Variants in PFKL observed in about 807,000 individuals in gnomAD.
PFKL encodes the protein phosphofructokinase, liver type, also known as ATP-dependent 6-phosphofructokinase, liver type.
PFKL carries 74 observed loss-of-function variants against 92.1 expected under a neutral mutation model. The observed-to-expected ratio is 0.80, with a 90% CI of 0.67 to 0.97. PFKL has a LOEUF of 0.97. PFKL is among the 50% of genes least tolerant of loss of function. The probability of loss-of-function intolerance (pLI) is 0.00; values close to 1 mark genes in which losing one functional copy is unlikely to be tolerated. For missense variants in PFKL, 1,028 were observed against 1,116.6 expected (o/e 0.92, Z 1.13); for synonymous variants, 494 against 456.4 (o/e 1.08, Z -1.05).
At chr21:44,326,662 G>A (rs2047522997) in intron 21 of PFKL, 53 bp from the exon 22 acceptor site, 17 of 1,580,392 alleles carry the variant, frequency 1.1e-5, no homozygotes. Flanking sequence ...CGTGGCTGAA[G>A]AGCTGCCCTG....
rs376462190 is a variant in PFKL at position 44,313,256 on chromosome 21, C to T, written c.593+113C>T. 9.8e-6 allele frequency: 12 copies of T among 1,220,160 alleles called. No individual in the cohort carries two copies. In the South Asian group the frequency reaches 1.5e-4, roughly 15 times the overall value. 75.6% of individuals were successfully genotyped at this position (1,220,160 alleles called of 1,614,324 possible). ...GGGCAGTGGACTCTGGTAGCCCCAGCATCCAGGCCAGCCGCCCTCAGCCCC... is the reference window on the plus strand; with the variant it reads ...GGGCAGTGGACTCTGGTAGCCCCAGTATCCAGGCCAGCCGCCCTCAGCCCC... On this transcript the variant is annotated intron_variant, in intron 5 of 21. Coordinates refer to ENST00000349048, the MANE Select transcript of PFKL (RefSeq NM_002626.6).
chr21:44,320,208 C>A, intron 12 of PFKL, 61 bp downstream of exon 12: 2 of 1,466,070 alleles, frequency 1.4e-6, no homozygotes, highest in Non-Finnish European at 1.9e-6. Flanking sequence ...GCAGCCTCTT[C>A]ACGCTGGCCC....
intron 2 of PFKL, among the ~76,000 whole-genome samples, chr21:44,307,819 C>G (rs2040997113): frequency 6.6e-6 from 1 of 152,246 alleles, no homozygotes; most frequent in South Asian, 2.1e-4. Flanking sequence ...TGTGTCCGTA[C>G]AAACCCCTCC....
chr21:44,323,655 G>A, intron 15 of PFKL, 111 bp from the exon 16 acceptor site: 2 of 1,191,916 alleles, frequency 1.7e-6, no homozygotes, highest in South Asian at 1.4e-5. Flanking sequence ...CCAGCACGGG[G>A]CACATGACAG....
chr21:44,306,991 A>G (rs2040966677), intron 2 of PFKL, among the ~76,000 whole-genome samples: 1 of 152,140 alleles, frequency 6.6e-6, no homozygotes, highest in African/African-American at 2.4e-5. Context: ...GCTGCAGAGC[A>G]CGGGCCTGGG....
chr21:44,306,519 C>T (rs574210742), intron 1 of PFKL, among the ~76,000 whole-genome samples, 162 bp from the exon 2 acceptor site: 3 of 151,946 alleles, frequency 2.0e-5, no homozygotes, highest in South Asian at 4.2e-4. Flanking sequence ...GACCCTTGCC[C>T]TCTTGAGATG....
chr21:44,322,915 G>A lies in PFKL; in HGVS notation c.1410-47G>A, dbSNP rs200354903. The A allele has an allele frequency of 8.5e-5, 120 of 1,406,462 alleles. 1 individual carries two copies. The Admixed American group carries it at 1.5e-3, about 17-fold the overall frequency. The allele number at this position is 1,406,462 out of a possible 1,614,324, so 87.1% of individuals were successfully genotyped here. A position where few individuals can be genotyped will look rare whatever the true frequency, so the allele number is the denominator to read the frequency against. ...CTGTGATCAGATGCAATCTGGACAC[G>A]CGTCCCCGGGTGCTGCGTGTTCATG... On this transcript the variant is annotated intron_variant, in intron 14 of 21. Transcript: ENST00000349048.
chr21:44,317,627 C>T (rs2047242832), intron 9 of PFKL, among the ~76,000 whole-genome samples: 1 of 152,218 alleles, frequency 6.6e-6, no homozygotes, highest in South Asian at 2.1e-4. Context: ...TTGATCGCCC[C>T]TAGCCGCGGC....
At position 44,323,807 on chromosome 21, in the gene PFKL, C is replaced by T. The variant is rs777647811; in HGVS notation, c.1539C>T (p.Arg513=). 1 of 1,612,882 alleles carries T rather than the reference C, an allele frequency of 6.2e-7. No homozygotes were observed. ...TGCAGCTGGTGGAGGCTCGCGGGCG[C>T]TACGAGGAGCTCTGCATCGTCATGT... The part of the protein sequence containing the change: ...GVLQLVEARG[R]YEELCIVMCV... The change falls in exon 16 of 22, where the codon CGC becomes CGT. Residue 513 remains arginine, a synonymous_variant. Transcript: ENST00000349048.
rs553428594 is a variant in PFKL at position 44,308,715 on chromosome 21, C to A, written c.159+1961C>A. ...TAGCTGGGATTACAGGCACCCACCA[C>A]CACGCCCAGCTGTTTTTTGTATTTT... On this transcript the variant is annotated intron_variant, in intron 2 of 21. Transcript: ENST00000349048. 3.9e-5 allele frequency among the ~76,000 whole-genome samples: 6 copies of A among 152,234 alleles called. No homozygotes were observed. In the East Asian group the frequency reaches 1.2e-3, roughly 29 times the overall value.
chr21:44,313,607 ACTGATGCATCCTC>A lies in PFKL; in HGVS notation c.594-27_594-15del, dbSNP rs2047117988. ...GGGCTGGCAGGGCCGTGTGGCTGGC[ACTGATGCATCCTC>A]CTGTTCCATCTCCACAGCCACCAGA... On this transcript the variant is annotated intron_variant, in intron 5 of 21. Coordinates refer to ENST00000349048, the MANE Select transcript of PFKL (RefSeq NM_002626.6). 3 of 1,603,526 alleles carry A rather than the reference ACTGATGCATCCTC, an allele frequency of 1.9e-6. No homozygotes were observed.
Position 44,314,016 on chromosome 21 carries a change from G to A in PFKL, c.742G>A (p.Gly248Ser). Residue 248 changes from glycine to serine, a missense_variant, in exon 7 of 22, where the codon GGT becomes AGT. Physicochemically the swap from Gly to Ser is moderately conservative, Grantham distance 56. Transcript: ENST00000349048. The stretch of plus-strand genomic sequence containing the variant: ...GGAGAACTTCATGTGTGAGAGGCTG[G>A]GTGAGGTGGGTGCCGTCCAGCCTGC... ...GWENFMCERLGETRSRGSRLN... is the reference protein window; with the variant it reads ...GWENFMCERLSETRSRGSRLN... 2.5e-6 allele frequency: 4 copies of A among 1,600,044 alleles called. No individual in the cohort carries two copies. Among genetic ancestry groups the A allele is most frequent in the East Asian group, 2.3e-5 (1 of 44,406 alleles).
At chr21:44,300,354 C>T (rs979037343) in intron 1 of PFKL, among the ~76,000 whole-genome samples, 164 bp downstream of exon 1, 3 of 151,832 alleles carry the variant, frequency 2.0e-5, no homozygotes, top group African/African-American at 7.2e-5. Context: ...GTCCCCCGCT[C>T]TTCCCCGGCG....
chr21:44,307,400 C>T lies in PFKL; in HGVS notation c.159+646C>T, dbSNP rs572113740. 5.9e-4 allele frequency: 382 copies of T among 651,846 alleles called. No homozygotes were observed. In the African/African-American group the frequency reaches 6.8e-3, roughly 12 times the overall value. The allele number at this position is 651,846 out of a possible 1,614,324, so 40.4% of individuals were successfully genotyped here. A position where few individuals can be genotyped will look rare whatever the true frequency, so the allele number is the denominator to read the frequency against. On this transcript the variant is annotated intron_variant, in intron 2 of 21. Transcript: ENST00000349048. ...GCATTCACACACTTGGGCCACACCA[C>T]GCACTCACAGGCTGCATTCTTGCCT...
intron 17 of PFKL, 37 bp downstream of exon 17, chr21:44,324,692 C>T (rs372045412): frequency 3.5e-5 from 54 of 1,563,062 alleles, no homozygotes; most frequent in African/African-American, 1.4e-4. Flanking sequence ...GCAGACCTGC[C>T]GGCATGCCAG....
chr21:44,322,848 C>A, intron 14 of PFKL, 114 bp from the exon 15 acceptor site: 1 of 667,876 alleles, frequency 1.5e-6, no homozygotes, highest in Middle Eastern at 4.3e-4. Context: ...GGCATTGCAG[C>A]GACTGCTGAC....
intron 4 of PFKL, among the ~76,000 whole-genome samples, chr21:44,312,584 T>G (rs750311391): frequency 6.6e-6 from 1 of 152,190 alleles, no homozygotes; most frequent in Non-Finnish European, 1.5e-5. Flanking sequence ...TTCTCTGTGA[T>G]TGATCCGAGT....
chr21:44,323,410 G>A (rs968233285), intron 15 of PFKL, among the ~76,000 whole-genome samples: 1 of 152,214 alleles, frequency 6.6e-6, no homozygotes, highest in Non-Finnish European at 1.5e-5. Flanking sequence ...AGAGGTGTAG[G>A]TGCTGGACGG....
At chr21:44,326,390 T>C (rs2047510417) in intron 21 of PFKL, 126 bp downstream of exon 21, 2 of 730,496 alleles carry the variant, frequency 2.7e-6, no homozygotes, top group Non-Finnish European at 2.3e-6. Flanking sequence ...TGGGCCCCCA[T>C]GCCCAGGTCC....
Sources: gnomAD v4.1 joint callset for allele counts (sites outside exome capture counted in the v4.1 genomes callset) on GRCh38, gnomAD v4.1.1 for gene constraint, MANE v1.5 for transcripts, NCBI Gene and HGNC (gene_info 2026-07-23, HGNC 2026-07-21) for gene names.